TSPEAR: variants seen among roughly 807,000 people sequenced by gnomAD.
The protein encoded by TSPEAR is thrombospondin-type laminin G domain and EAR repeat-containing protein.
Under a neutral mutation model 71.6 loss-of-function variants are expected in TSPEAR, and 69 were observed. That is an observed-to-expected ratio of 0.96 (90% CI 0.79 to 1.18). The LOEUF is 1.18. TSPEAR is among the 50% of genes most tolerant of loss of function. The probability of loss-of-function intolerance (pLI) is 0.00; values close to 1 mark genes in which losing one functional copy is unlikely to be tolerated. For missense variants in TSPEAR, 971 were observed against 894.9 expected (o/e 1.09, Z -1.09); for synonymous variants, 402 against 387.2 (o/e 1.04, Z -0.45).
chr21:44,654,176 A>C lies in TSPEAR; in HGVS notation c.82+57257T>G, dbSNP rs1240853554. On this transcript the variant is annotated intron_variant, in intron 1 of 11. Transcript: ENST00000323084. Reference sequence around the variant, plus strand: ...AGGCAGGCGGTCTAGTCAGGTGACGACAGTTTGCTGTGGGAGGATGTGGGG... The same window carrying C: ...AGGCAGGCGGTCTAGTCAGGTGACGCCAGTTTGCTGTGGGAGGATGTGGGG... The C allele has an allele frequency of 8.2e-6, 8 of 974,390 alleles. No homozygotes were observed. In the Admixed American group the frequency reaches 1.6e-4, roughly 19 times the overall value. The allele number at this position is 974,390 out of a possible 1,614,324, so 60.4% of individuals were successfully genotyped here.
At chr21:44,544,292 A>T (rs1402198242) in intron 2 of TSPEAR, among the ~76,000 whole-genome samples, 6 of 125,992 alleles carry the variant, frequency 4.8e-5, no homozygotes, top group African/African-American at 1.9e-4. Context: ...TAGTAATCAT[A>T]ATAAGACAAA....
intron 1 of TSPEAR, among the ~76,000 whole-genome samples, chr21:44,706,678 C>T (rs1212324095): frequency 6.6e-6 from 1 of 152,218 alleles, no homozygotes; most frequent in Non-Finnish European, 1.5e-5. Flanking sequence ...TCAGGGGTCG[C>T]CCCGCCACCG....
At chr21:44,674,731 A>T (rs1251323294) in intron 1 of TSPEAR, among the ~76,000 whole-genome samples, 3 of 127,150 alleles carry the variant, frequency 2.4e-5, no homozygotes, top group South Asian at 6.1e-4. Flanking sequence ...CTGTCTTTAA[A>T]GTGTGTGTGT....
intron 2 of TSPEAR, among the ~76,000 whole-genome samples, chr21:44,547,928 G>A (rs1171333680): frequency 6.6e-6 from 1 of 152,138 alleles, no homozygotes; most frequent in Non-Finnish European, 1.5e-5. Flanking sequence ...CATGCGTGGG[G>A]GCCTTCTGGA....
At chr21:44,676,642 A>T (rs1421505987) in intron 1 of TSPEAR, 2 of 766,072 alleles carry the variant, frequency 2.6e-6, no homozygotes, top group Non-Finnish European at 4.9e-6. Context: ...CTGTTCTTGA[A>T]CCCTAAGGAC....
chr21:44,515,545 A>G (rs1411836885), intron 9 of TSPEAR: 3 of 151,800 alleles, frequency 2.0e-5, no homozygotes, highest in African/African-American at 4.8e-5. Context: ...GCTAGCCCAG[A>G]CCCTCCCCTT....
At chr21:44,624,668 T>A (rs1982654037) in intron 1 of TSPEAR, among the ~76,000 whole-genome samples, 1 of 152,228 alleles carries the variant, frequency 6.6e-6, no homozygotes, top group Non-Finnish European at 1.5e-5. Flanking sequence ...TGTTTCCAAC[T>A]GACAGTCTGT....
At chr21:44,550,335 G>A (rs782125832) in intron 2 of TSPEAR, 31 of 372,794 alleles carry the variant, frequency 8.3e-5, no homozygotes, top group Non-Finnish European at 1.5e-4. Context: ...CCCTGGGTGC[G>A]GAGAGTCAGC....
chr21:44,666,184 A>T, intron 1 of TSPEAR: 1 of 483,448 alleles, frequency 2.1e-6, no homozygotes, highest in Non-Finnish European at 3.6e-6. Context: ...CCAGAAATGC[A>T]GAGCTGCATG....
chr21:44,654,873 G>A (rs1985047025), intron 1 of TSPEAR, among the ~76,000 whole-genome samples: 1 of 152,130 alleles, frequency 6.6e-6, no homozygotes, highest in African/African-American at 2.4e-5. Context: ...AACAGAGCAG[G>A]GGTAGCTGGT....
At chr21:44,676,951 G>T (rs1986341804) in intron 1 of TSPEAR, 2 of 915,062 alleles carry the variant, frequency 2.2e-6, no homozygotes, top group Non-Finnish European at 3.7e-6. Context: ...ATCATCAGTA[G>T]AGAGCTTGTC....
At chr21:44,660,033 T>A (rs1426242309) in intron 1 of TSPEAR, among the ~76,000 whole-genome samples, 1 of 152,112 alleles carries the variant, frequency 6.6e-6, no homozygotes, top group African/African-American at 2.4e-5. Flanking sequence ...TACAACCAGG[T>A]GTGGAAGCTT....
At chr21:44,629,615 CA>C (rs1282814326) in intron 1 of TSPEAR, among the ~76,000 whole-genome samples, 1 of 152,224 alleles carries the variant, frequency 6.6e-6, no homozygotes, top group African/African-American at 2.4e-5. Flanking sequence ...GCAGTGAGGC[CA>C]CCTGTGCCTC....
chr21:44,617,356 C>T (rs587662606), intron 1 of TSPEAR, among the ~76,000 whole-genome samples: 4 of 152,356 alleles, frequency 2.6e-5, no homozygotes, highest in Admixed American at 1.3e-4. Context: ...CCAGGCTTGC[C>T]GCTGGGATGC....
In TSPEAR at chr21:44,628,034, A is replaced by G. The variant is rs200449748; in HGVS notation, c.83-60029T>C. The G allele has an allele frequency of 6.6e-5, 106 of 1,612,656 alleles. No homozygotes were observed. Among genetic ancestry groups the G allele is most frequent in the Admixed American group, 1.0e-4 (6 of 59,978 alleles). On this transcript the variant is annotated intron_variant, in intron 1 of 11. Transcript: ENST00000323084. ...GCCTGCTACAGCTTCTCCTCAGGCC[A>G]GAAGTCCAGCTGCTGACGGTCATGT... is the stretch of plus-strand genomic sequence containing the variant.
At chr21:44,700,500 G>A (rs1987599375) in intron 1 of TSPEAR, among the ~76,000 whole-genome samples, 1 of 152,170 alleles carries the variant, frequency 6.6e-6, no homozygotes, top group Non-Finnish European at 1.5e-5. Flanking sequence ...CAACCAAACA[G>A]CACACAGTGA....
intron 1 of TSPEAR, chr21:44,677,343 TC>T: frequency 7.3e-7 from 1 of 1,372,574 alleles, no homozygotes; most frequent in South Asian, 1.2e-5. Flanking sequence ...CTCAGAATTG[TC>T]CATGGCGGCT....
chr21:44,499,603 A>G lies in TSPEAR; in HGVS notation c.*180T>C. ...CTGGGGCTGTGGCTCAGAAGGACTC[A>G]GAGGTGGATGGATGTCCCTGCCCGA... On this transcript the variant is annotated 3_prime_UTR_variant, in exon 12 of 12. Transcript: ENST00000323084. The G allele has an allele frequency of 1.7e-6, 1 of 594,842 alleles. No individual in the cohort carries two copies. The highest frequency in any genetic ancestry group is 2.2e-5 in the South Asian group (1 of 45,808). The allele number at this position is 594,842 out of a possible 1,614,324, so 36.8% of individuals were successfully genotyped here.
chr21:44,554,779 A>C (rs1475711255), intron 2 of TSPEAR, among the ~76,000 whole-genome samples: 3 of 152,226 alleles, frequency 2.0e-5, no homozygotes, highest in Non-Finnish European at 4.4e-5. Flanking sequence ...TCCTTCTGCC[A>C]TCTTTAAATG....
Sources: gnomAD v4.1 joint callset for allele counts (sites outside exome capture counted in the v4.1 genomes callset) on GRCh38, gnomAD v4.1.1 for gene constraint, MANE v1.5 for transcripts, NCBI Gene and HGNC (gene_info 2026-07-23, HGNC 2026-07-21) for gene names.